GALNT10: variants seen among roughly 807,000 people sequenced by gnomAD.
The protein encoded by GALNT10 is polypeptide N-acetylgalactosaminyltransferase 10.
Under a neutral mutation model 75.0 loss-of-function variants are expected in GALNT10, and 41 were observed. The observed-to-expected ratio is 0.55, with a 90% confidence interval of 0.43 to 0.71. The LOEUF is 0.71. GALNT10 is among the 30% of genes least tolerant of loss of function. The pLI is 0.00. For missense variants in GALNT10, 727 were observed against 818.5 expected (o/e 0.89, Z 1.36); for synonymous variants, 302 against 313.0 (o/e 0.96, Z 0.37).
chr5:154,397,075 C>T (rs536160620), intron 7 of GALNT10, among the ~76,000 whole-genome samples: 1 of 150,408 alleles, frequency 6.6e-6, no homozygotes, highest in African/African-American at 2.4e-5. Flanking sequence ...TGCAGTGAAC[C>T]GAGATTGTGC....
At chr5:154,382,477 A>T (rs1755748000) in intron 6 of GALNT10, among the ~76,000 whole-genome samples, 1 of 152,236 alleles carries the variant, frequency 6.6e-6, no homozygotes, top group African/African-American at 2.4e-5. Flanking sequence ...TCCTTGTAGA[A>T]TAATACCAAC....
Position 154,353,303 on chromosome 5 carries a change from A to G in GALNT10, c.569-22974A>G, listed in dbSNP as rs540573144. On this transcript the variant is annotated intron_variant, in intron 4 of 11. Coordinates refer to ENST00000297107, the MANE Select transcript of GALNT10 (RefSeq NM_198321.4). ...TTGCAATGACACCACCCCCCGCAAA[A>G]CGACCTTCTAAATATCATCCTACCA... 2.6e-5 allele frequency among the ~76,000 whole-genome samples: 4 copies of G among 152,240 alleles called. No individual in the cohort carries two copies. In the East Asian group the frequency reaches 7.7e-4, roughly 29 times the overall value.
intron 1 of GALNT10, among the ~76,000 whole-genome samples, chr5:154,245,386 C>T (rs1412073763): frequency 1.3e-5 from 2 of 152,180 alleles, no homozygotes. Context: ...AAGCACCTGA[C>T]ATGGGTGATC....
In GALNT10 at chr5:154,352,562, G is replaced by T. The variant is rs896742240; in HGVS notation, c.568+22824G>T. Among the ~76,000 whole-genome samples, 1 of 152,162 alleles carries T rather than the reference G, an allele frequency of 6.6e-6. No homozygotes were observed. The highest frequency in any genetic ancestry group is 1.5e-5 in the Non-Finnish European group (1 of 68,032). On this transcript the variant is annotated intron_variant, in intron 4 of 11. Coordinates refer to ENST00000297107, the MANE Select transcript of GALNT10 (RefSeq NM_198321.4). The surrounding 1 kb of genome is among the most constrained non-coding windows in gnomAD (Gnocchi z 4.4). The stretch of plus-strand genomic sequence containing the variant: ...GCCCAAGATCGCACAGCTAGTAAAC[G>T]GAAGCTGGGAGCTTCCCTGGGCTGG...
At chr5:154,218,076 G>T (rs1345786632) in intron 1 of GALNT10, 1 of 985,232 alleles carries the variant, frequency 1.0e-6, no homozygotes, top group African/African-American at 1.7e-5. Flanking sequence ...CTGAGACCAG[G>T]ATTATTCCCA....
rs542418638 is a variant in GALNT10 at position 154,418,567 on chromosome 5, C to A, written c.*1595C>A. ...TTGAGTCTCTTGATTGTGTCATTTA[C>A]CAATTAAATAACTGAGACCTAAGTC... is the stretch of plus-strand genomic sequence containing the variant. On this transcript the variant is annotated 3_prime_UTR_variant, in exon 12 of 12. Coordinates refer to ENST00000297107, the MANE Select transcript of GALNT10 (RefSeq NM_198321.4). 3 of 152,182 alleles carry A rather than the reference C, an allele frequency of 2.0e-5. No homozygotes were observed. The highest frequency in any genetic ancestry group is 4.4e-5 in the Non-Finnish European group (3 of 68,036). 9.4% of individuals were successfully genotyped at this position (152,182 alleles called of 1,614,324 possible).
chr5:154,250,961 G>T (rs1322720704), intron 1 of GALNT10, among the ~76,000 whole-genome samples: 1 of 152,134 alleles, frequency 6.6e-6, no homozygotes, highest in Admixed American at 6.6e-5. Context: ...CATGATCCCT[G>T]TCTCAACACA....
At chr5:154,234,782 G>C (rs1437820581) in intron 1 of GALNT10, among the ~76,000 whole-genome samples, 2 of 152,214 alleles carry the variant, frequency 1.3e-5, no homozygotes, top group Non-Finnish European at 2.9e-5. Context: ...ACATTATTCT[G>C]ACAGTAGGCA....
At chr5:154,305,311 AG>A (rs1404650341) in intron 3 of GALNT10, among the ~76,000 whole-genome samples, 2,281 of 146,984 alleles carry the variant, frequency 0.016, 43 homozygotes, top group African/African-American at 0.054. Flanking sequence ...AAAAAAAAAA[AG>A]AAGAAGAAGA....
At chr5:154,405,811 TC>T (rs1374860814) in intron 8 of GALNT10, among the ~76,000 whole-genome samples, 2 of 151,620 alleles carry the variant, frequency 1.3e-5, no homozygotes, top group Non-Finnish European at 2.9e-5. Flanking sequence ...GCCACTGCAC[TC>T]CAGCCTGGGT....
At chr5:154,415,684 G>T in intron 10 of GALNT10, 99 bp from the exon 11 acceptor site, 2 of 1,099,816 alleles carry the variant, frequency 1.8e-6, no homozygotes, top group South Asian at 1.5e-5. Flanking sequence ...ATTATTATTT[G>T]GACCTCTGAG....
chr5:154,414,206 T>A (rs1211113640), intron 10 of GALNT10, among the ~76,000 whole-genome samples: 2 of 152,180 alleles, frequency 1.3e-5, no homozygotes, highest in African/African-American at 2.4e-5. Context: ...TTTGGGAAAC[T>A]GTGGCAGTTT....
At chr5:154,251,800 A>G (rs1753527290) in intron 1 of GALNT10, among the ~76,000 whole-genome samples, 2 of 152,106 alleles carry the variant, frequency 1.3e-5, no homozygotes, top group Admixed American at 1.3e-4. Context: ...TTAGAGGGAA[A>G]TGGTATTTTA....
intron 1 of GALNT10, among the ~76,000 whole-genome samples, chr5:154,251,231 T>C (rs1440389707): frequency 6.6e-6 from 1 of 152,160 alleles, no homozygotes; most frequent in Non-Finnish European, 1.5e-5. Flanking sequence ...ATAGTAACGT[T>C]ACTTTTATAC....
chr5:154,226,946 C>T (rs935850149), intron 1 of GALNT10, among the ~76,000 whole-genome samples: 2 of 149,206 alleles, frequency 1.3e-5, no homozygotes, highest in African/African-American at 5.0e-5. Context: ...GGTATGTACT[C>T]TTTAAAAAAA....
At chr5:154,321,995 C>A (rs984535956) in intron 3 of GALNT10, among the ~76,000 whole-genome samples, 1 of 152,212 alleles carries the variant, frequency 6.6e-6, no homozygotes, top group African/African-American at 2.4e-5. Flanking sequence ...AAGGACGACT[C>A]CTCGTGTATT....
At chr5:154,312,392 GC>G (rs2113096969) in intron 3 of GALNT10, among the ~76,000 whole-genome samples, 1 of 152,260 alleles carries the variant, frequency 6.6e-6, no homozygotes, top group African/African-American at 2.4e-5. Flanking sequence ...TCCTAAGTCT[GC>G]CTGGGTAATG....
chr5:154,280,378 G>T (rs144550829), intron 1 of GALNT10, among the ~76,000 whole-genome samples: 2 of 152,104 alleles, frequency 1.3e-5, no homozygotes. Flanking sequence ...ATAATTTATT[G>T]TATTTTTTCA....
chr5:154,244,751 A>T (rs1753394680), intron 1 of GALNT10, among the ~76,000 whole-genome samples: 1 of 152,238 alleles, frequency 6.6e-6, no homozygotes, highest in East Asian at 1.9e-4. Context: ...AGGGGCAGCC[A>T]CTTCAGCCTG....
Sources: gnomAD v4.1 joint callset for allele counts (sites outside exome capture counted in the v4.1 genomes callset) on GRCh38, gnomAD v4.1.1 for gene constraint, Gnocchi (gnomAD v3.1) non-coding constraint, MANE v1.5 for transcripts, NCBI Gene and HGNC (gene_info 2026-07-23, HGNC 2026-07-21) for gene names.